IQCE: variants seen among roughly 807,000 people sequenced by gnomAD.
IQCE encodes IQ domain-containing protein E.
IQCE carries 115 observed loss-of-function variants against 96.0 expected under a neutral mutation model. The observed-to-expected ratio is 1.20, with a 90% CI of 1.03 to 1.40. IQCE has a LOEUF of 1.40. Ranked by LOEUF, IQCE falls within the 40% of genes most tolerant of loss-of-function variation. The probability of loss-of-function intolerance (pLI) is 0.00; values close to 1 mark genes in which losing one functional copy is unlikely to be tolerated. For synonymous variants in IQCE, 412 were observed against 371.2 expected (o/e 1.11, Z -1.26); for missense variants, 1,041 against 909.1 (o/e 1.15, Z -1.87).
At position 2,587,863 on chromosome 7, in the gene IQCE, G is replaced by T. The variant is rs971381816; in HGVS notation, c.1030G>T (p.Val344Leu). Residue 344 changes from valine to leucine, a missense_variant, in exon 13 of 22, where the codon GTG becomes TTG. By Grantham distance (32) the Val-to-Leu change is conservative (BLOSUM62 1). Coordinates refer to ENST00000402050, the MANE Select transcript of IQCE (RefSeq NM_152558.5). ...WSKPRLLRRIVELEKKLSVME... is the reference protein window; with the variant it reads ...WSKPRLLRRILELEKKLSVME... ...CAAGCCCCGGCTGCTGAGGCGCATTGTGGAGCTGGAGAAGGTGAGCGGGCG... is the reference window on the plus strand; with the variant it reads ...CAAGCCCCGGCTGCTGAGGCGCATTTTGGAGCTGGAGAAGGTGAGCGGGCG... 1.2e-6 allele frequency: 2 copies of T among 1,614,102 alleles called. No individual in the cohort carries two copies. Among genetic ancestry groups the T allele is most frequent in the Non-Finnish European group, 1.7e-6 (2 of 1,179,968 alleles).
At chr7:2,600,340 T>C (rs1784350808) in intron 17 of IQCE, among the ~76,000 whole-genome samples, 1 of 152,200 alleles carries the variant, frequency 6.6e-6, no homozygotes, top group South Asian at 2.1e-4. Context: ...GGCCGGCCCC[T>C]GTTTGTGTTT....
intron 16 of IQCE, 97 bp from the exon 17 acceptor site, chr7:2,598,368 C>A: frequency 1.6e-6 from 2 of 1,240,892 alleles, no homozygotes; most frequent in Non-Finnish European, 1.1e-6. Flanking sequence ...CTGATAAGCG[C>A]AGCCGCACCA....
chr7:2,580,466 G>C (rs1384708415), intron 8 of IQCE, among the ~76,000 whole-genome samples: 1 of 152,116 alleles, frequency 6.6e-6, no homozygotes. Flanking sequence ...AAAAAAATTA[G>C]CCAGGTATGA....
intron 13 of IQCE, among the ~76,000 whole-genome samples, chr7:2,588,954 C>A (rs999021699): frequency 4.0e-5 from 6 of 151,888 alleles, no homozygotes; most frequent in African/African-American, 1.5e-4. Flanking sequence ...CGTGAGCCAC[C>A]GCGCCTGGCC....
At chr7:2,567,977 C>T in intron 2 of IQCE, among the ~76,000 whole-genome samples, 1 of 152,248 alleles carries the variant, frequency 6.6e-6, no homozygotes, top group South Asian at 2.1e-4. Context: ...ACTTGGGGCT[C>T]AATGTTTCTG....
chr7:2,559,087 C>A lies in IQCE; in HGVS notation c.-95C>A. On this transcript the variant is annotated 5_prime_UTR_variant, in exon 1 of 22. Coordinates refer to ENST00000402050, the MANE Select transcript of IQCE (RefSeq NM_152558.5). Reference sequence around the variant, plus strand: ...GGTCGCGGGCCGGCGCCAGGGAAGGCCCCGAGGCTGCGGGCGGCCAGGGCT... The same window carrying A: ...GGTCGCGGGCCGGCGCCAGGGAAGGACCCGAGGCTGCGGGCGGCCAGGGCT... The A allele has an allele frequency of 7.1e-6, 4 of 561,822 alleles. No homozygotes were observed. Among genetic ancestry groups the A allele is most frequent in the Non-Finnish European group, 9.7e-6 (4 of 410,692 alleles). 34.8% of individuals were successfully genotyped at this position (561,822 alleles called of 1,614,324 possible).
rs1314813347 is a variant in IQCE, at chr7:2,588,827, A to T, written c.1044+950A>T. 6.0e-5 allele frequency among the ~76,000 whole-genome samples: 9 copies of T among 151,200 alleles called. No individual in the cohort carries two copies. In the South Asian group the frequency reaches 1.3e-3, roughly 21 times the overall value. On this transcript the variant is annotated intron_variant, in intron 13 of 21. Transcript: ENST00000402050. ...ATTACAGGTGCCCACCACCACGCCC[A>T]GCTAATTTTTGTATTTTTAGTAGAC...
In IQCE at chr7:2,610,027, G is replaced by C; in HGVS notation, c.1970-17G>C. On this transcript the variant is annotated splice_polypyrimidine_tract_variant and intron_variant, in intron 21 of 21. Coordinates refer to ENST00000402050, the MANE Select transcript of IQCE (RefSeq NM_152558.5). ...GTCAGCGTGGCTGACCCCTCTCCCT[G>C]TGGTTCATTTCTGCAGACCCCTCTC... 1 of 1,412,856 alleles carries C rather than the reference G, an allele frequency of 7.1e-7. No individual in the cohort carries two copies. Among genetic ancestry groups the C allele is most frequent in the East Asian group, 2.3e-5 (1 of 43,908 alleles). The allele number at this position is 1,412,856 out of a possible 1,614,324, so 87.5% of individuals were successfully genotyped here.
At chr7:2,585,116 A>T (rs1250277230) in intron 11 of IQCE, among the ~76,000 whole-genome samples, 1 of 150,662 alleles carries the variant, frequency 6.6e-6, no homozygotes, top group Non-Finnish European at 1.5e-5. Flanking sequence ...GCTCACTGCA[A>T]CCTCTGCCTC....
intron 20 of IQCE, 148 bp from the exon 21 acceptor site, chr7:2,606,976 A>G (rs1160739976): frequency 6.0e-6 from 4 of 664,276 alleles, no homozygotes; most frequent in Non-Finnish European, 9.8e-6. Flanking sequence ...TATTGGGTAC[A>G]GCGCTGGTCG....
intron 6 of IQCE, among the ~76,000 whole-genome samples, chr7:2,574,723 T>C (rs1355834027): frequency 2.0e-5 from 3 of 152,254 alleles, no homozygotes; most frequent in African/African-American, 7.2e-5. Context: ...TTTTCAGCCT[T>C]GCCCTCTTTG....
chr7:2,570,241 C>T (rs989671316), intron 3 of IQCE, among the ~76,000 whole-genome samples: 1 of 152,122 alleles, frequency 6.6e-6, no homozygotes, highest in African/African-American at 2.4e-5. Flanking sequence ...CAGTATCAAA[C>T]GCTGGCATCT....
intron 15 of IQCE, among the ~76,000 whole-genome samples, chr7:2,593,414 C>G (rs1345410047): frequency 1.3e-5 from 2 of 152,260 alleles, no homozygotes; most frequent in Non-Finnish European, 2.9e-5. Flanking sequence ...CTGGTCAGAA[C>G]CACCCAGGTG....
intron 13 of IQCE, among the ~76,000 whole-genome samples, chr7:2,588,840 A>G (rs370204104): frequency 9.7e-4 from 146 of 150,810 alleles, no homozygotes; most frequent in African/African-American, 3.5e-3. Flanking sequence ...TAATTTTTGT[A>G]TTTTTAGTAG....
At chr7:2,602,151 G>A (rs1053278230) in intron 18 of IQCE, among the ~76,000 whole-genome samples, 5 of 152,194 alleles carry the variant, frequency 3.3e-5, no homozygotes, top group Non-Finnish European at 7.3e-5. Flanking sequence ...TGCGAGGGGT[G>A]ACATGCAAGG....
In IQCE at chr7:2,575,961, G is replaced by T. The variant is rs570706097; in HGVS notation, c.466-2281G>T. 2.6e-5 allele frequency among the ~76,000 whole-genome samples: 4 copies of T among 152,310 alleles called. No homozygotes were observed. In the South Asian group the frequency reaches 8.3e-4, roughly 32 times the overall value. ...AGGAGGAATTGGGAGGAGTGAATCT[G>T]CTTCACGCTCTTGGAAGCGGCAGTC... On this transcript the variant is annotated intron_variant, in intron 6 of 21. Coordinates refer to ENST00000402050, the MANE Select transcript of IQCE (RefSeq NM_152558.5).
In IQCE at chr7:2,590,019, G is replaced by A. The variant is rs770964348; in HGVS notation, c.1157G>A (p.Arg386His). 43 of 1,613,750 alleles carry A rather than the reference G, an allele frequency of 2.7e-5. No homozygotes were observed. The highest frequency in any genetic ancestry group is 1.6e-4 in the East Asian group (7 of 44,900). ...CTGCACAGACAGCCACGAGGGGACCGCAACAAGGACCACGAGCGTCTCCGA... is the reference window on the plus strand; with the variant it reads ...CTGCACAGACAGCCACGAGGGGACCACAACAAGGACCACGAGCGTCTCCGA... ...SALHRQPRGD[R>H]NKDHERLRGA... Residue 386 changes from arginine (R) to histidine (H), a missense_variant, in exon 14 of 22, where the codon CGC (arginine) becomes CAC (histidine). Physicochemically the swap from Arg to His is conservative, Grantham distance 29. Transcript: ENST00000402050.
chr7:2,579,150 G>A (rs1032050885), intron 8 of IQCE, among the ~76,000 whole-genome samples: 2 of 152,052 alleles, frequency 1.3e-5, no homozygotes, highest in African/African-American at 2.4e-5. Context: ...CAATATGTAA[G>A]AAGTTGAATG....
chr7:2,606,504 G>A (rs1050215988), intron 20 of IQCE, among the ~76,000 whole-genome samples: 3 of 152,192 alleles, frequency 2.0e-5, no homozygotes, highest in Non-Finnish European at 4.4e-5. Context: ...TGGCCGGGGG[G>A]AGTTTACAGT....
Sources: allele counts gnomAD v4.1 joint callset (sites outside exome capture counted in the v4.1 genomes callset), GRCh38; gene constraint gnomAD v4.1.1; transcripts MANE v1.5; gene names NCBI Gene and HGNC (gene_info 2026-07-23, HGNC 2026-07-21).